The following NPC2 variants were observed in gnomAD, a reference collection of about 807,000 sequenced individuals.
The protein encoded by NPC2 is NPC intracellular cholesterol transporter 2, also known as Niemann-Pick disease type C2 protein.
A neutral mutation model predicts 17.0 loss-of-function variants in NPC2; 14 were observed. The ratio of observed to expected loss-of-function variants is 0.82; its 90% CI spans 0.54 to 1.29. NPC2 has a LOEUF of 1.29. NPC2 is among the 50% of genes most tolerant of loss of function. The pLI, the probability that NPC2 is intolerant of heterozygous loss-of-function variation, is 0.00. For missense variants in NPC2, 167 were observed against 183.4 expected (o/e 0.91, Z 0.52); for synonymous variants, 75 against 69.3 (o/e 1.08, Z -0.41).
chr14:74,480,280 A>G lies in NPC2; in HGVS notation c.450T>C (p.His150=), dbSNP rs374489111. Residue 150 remains histidine, a synonymous_variant, in exon 5 of 5, where the codon CAT becomes CAC. Transcript: ENST00000555619. ...ACCGAACTCAATGAGGCACTTAGAG[A>G]TGAGAAACCTGTGGATGTAATGTCC... The part of the protein sequence containing the change: ...CWEIPVQIVS[H]L The G allele has an allele frequency of 1.2e-4, 199 of 1,613,734 alleles. No homozygotes were observed. Among genetic ancestry groups the G allele is most frequent in the African/African-American group, 2.5e-4 (19 of 74,910 alleles).
At chr14:74,490,173 C>T (rs1391926593) in intron 1 of NPC2, among the ~76,000 whole-genome samples, 1 of 152,208 alleles carries the variant, frequency 6.6e-6, no homozygotes, top group African/African-American at 2.4e-5. Flanking sequence ...ATCTGCTATG[C>T]AGTCAGTCAC....
chr14:74,491,576 A>G (rs539880554), intron 1 of NPC2, among the ~76,000 whole-genome samples: 1 of 152,352 alleles, frequency 6.6e-6, no homozygotes, highest in South Asian at 2.1e-4. Flanking sequence ...TTGTCTCAAC[A>G]TGAATTTTTA....
chr14:74,486,857 C>T (rs1325507248), intron 1 of NPC2, among the ~76,000 whole-genome samples: 2 of 152,184 alleles, frequency 1.3e-5, no homozygotes, highest in African/African-American at 4.8e-5. Flanking sequence ...TTGCTTCAAC[C>T]TTCCTTTGGA....
At chr14:74,490,436 C>T (rs1388151748) in intron 1 of NPC2, among the ~76,000 whole-genome samples, 1 of 152,230 alleles carries the variant, frequency 6.6e-6, no homozygotes. Context: ...CTCTCTTCCA[C>T]TCCAACCCAT....
chr14:74,485,395 G>A (rs2086702116), intron 2 of NPC2, among the ~76,000 whole-genome samples: 1 of 151,116 alleles, frequency 6.6e-6, no homozygotes, highest in African/African-American at 2.4e-5. Flanking sequence ...AGATGGCCAG[G>A]AGGAATAAAG....
chr14:74,490,907 G>A (rs754536059), intron 1 of NPC2, among the ~76,000 whole-genome samples: 10 of 152,096 alleles, frequency 6.6e-5, no homozygotes, highest in African/African-American at 2.2e-4. Flanking sequence ...CAAATAAGTA[G>A]AATAATTTCT....
intron 1 of NPC2, among the ~76,000 whole-genome samples, chr14:74,488,956 T>G (rs2086741819): frequency 6.6e-6 from 1 of 152,246 alleles, no homozygotes; most frequent in South Asian, 2.1e-4. Context: ...GATTTAGTCC[T>G]GTTCTTTAAG....
At position 74,484,755 on chromosome 14, in the gene NPC2, C is replaced by CAAAAAAAA. The variant is rs71115996; in HGVS notation, c.191-176_191-169dup. Among the ~76,000 whole-genome samples, 75 of 85,158 alleles carry CAAAAAAAA rather than the reference C, an allele frequency of 8.8e-4. 1 individual carries two copies. The highest frequency in any genetic ancestry group is 1.1e-3 in the Non-Finnish European group (49 of 46,234). 55.9% of individuals were successfully genotyped at this position (85,158 alleles called of 152,430 possible). On this transcript the variant is annotated intron_variant, in intron 2 of 4. Coordinates refer to ENST00000555619, the MANE Select transcript of NPC2 (RefSeq NM_006432.5). ...AGCATTCACTCCAAACACAATTATG[C>CAAAAAAAA]AAAAAAAAAAAAAAAAAAAAAAACA...
In NPC2 at chr14:74,483,320, G is replaced by A. The variant is rs188025687; in HGVS notation, c.363+1095C>T. 2.2e-4 allele frequency: 277 copies of A among 1,270,388 alleles called. 2 individuals carry two copies. The Middle Eastern group carries it at 5.9e-3, about 27-fold the overall frequency. The allele number at this position is 1,270,388 out of a possible 1,614,324, so 78.7% of individuals were successfully genotyped here. On this transcript the variant is annotated intron_variant, in intron 3 of 4. Transcript: ENST00000555619. ...TGGCAATAAATGTGACCTGGAAGAT[G>A]AGTGAGTAGTTGGCAAAGAACAGGG... is the stretch of plus-strand genomic sequence containing the variant.
At chr14:74,485,732 T>G (rs1222611256) in intron 2 of NPC2, among the ~76,000 whole-genome samples, 1 of 152,296 alleles carries the variant, frequency 6.6e-6, no homozygotes, top group Non-Finnish European at 1.5e-5. Flanking sequence ...GATTTTACAT[T>G]TGTCTAGATT....
rs1483982469 is a variant in NPC2, at chr14:74,484,432, T to G, written c.346A>C (p.Lys116Gln). Residue 116 changes from lysine to glutamine, a missense_variant, in exon 3 of 5, where the codon AAA becomes CAA. Lys to Gln is a moderately conservative substitution (Grantham distance 53). Coordinates refer to ENST00000555619, the MANE Select transcript of NPC2 (RefSeq NM_006432.5). ...TYSYLNKLPVKSEYPSIKLVV... is the reference protein window; with the variant it reads ...TYSYLNKLPVQSEYPSIKLVV... ...TCACTTACAGAGGGATATTCGCTTT[T>G]CACTGGTAGTTTATTCAGGTAGCTA... 1 of 1,614,064 alleles carries G rather than the reference T, an allele frequency of 6.2e-7. No individual in the cohort carries two copies. Among genetic ancestry groups the G allele is most frequent in the African/African-American group, 1.3e-5 (1 of 74,906 alleles).
At chr14:74,487,011 GCA>G (rs61201972) in intron 1 of NPC2, among the ~76,000 whole-genome samples, 33,785 of 151,232 alleles carry the variant, frequency 0.22, 4,172 homozygotes, top group African/African-American at 0.32. Context: ...GAGTGCAGTG[GCA>G]CAGTCTCAGC....
intron 1 of NPC2, among the ~76,000 whole-genome samples, chr14:74,492,015 T>C (rs1181503985): frequency 6.6e-6 from 1 of 152,060 alleles, no homozygotes; most frequent in East Asian, 1.9e-4. Context: ...CTAAGGTCAG[T>C]GCTTGAGATA....
In NPC2 at chr14:74,488,571, A is replaced by T. The variant is rs149501661; in HGVS notation, c.83-2135T>A. Among the ~76,000 whole-genome samples the T allele has an allele frequency of 2.9e-3, 444 of 152,200 alleles. 1 individual carries two copies. The highest frequency in any genetic ancestry group is 1.0e-2 in the African/African-American group (415 of 41,528). ...TCTAATAAAAATACAAAAATTAGCC[A>T]GGTATGGTGGTGCTCACCTGTAATC... On this transcript the variant is annotated intron_variant, in intron 1 of 4. Coordinates refer to ENST00000555619, the MANE Select transcript of NPC2 (RefSeq NM_006432.5).
At chr14:74,487,193 C>T (rs1382316981) in intron 1 of NPC2, among the ~76,000 whole-genome samples, 2 of 151,894 alleles carry the variant, frequency 1.3e-5, no homozygotes, top group Non-Finnish European at 2.9e-5. Flanking sequence ...TCGTGGTCTG[C>T]CTGCCTAGGC....
At chr14:74,486,304 T>G in intron 2 of NPC2, 25 bp downstream of exon 2, 4 of 1,547,076 alleles carry the variant, frequency 2.6e-6, no homozygotes, top group Non-Finnish European at 2.6e-6. Flanking sequence ...AACATGAATT[T>G]GAGTTAAGAG....
At position 74,493,301 on chromosome 14, in the gene NPC2, G is replaced by T; in HGVS notation, c.-27C>A. On this transcript the variant is annotated 5_prime_UTR_variant, in exon 1 of 5. Transcript: ENST00000555619. This position sits in a 1 kb window ranked among gnomAD's most constrained non-coding sequence, Gnocchi z 4.1. ...GCGGATAACGAAGTTCCAAGCTCGG[G>T]AAAGAAGCAGCGGCCGCCCGCGGTC... is the stretch of plus-strand genomic sequence containing the variant. 14 of 1,607,710 alleles carry T rather than the reference G, an allele frequency of 8.7e-6. No homozygotes were observed. The highest frequency in any genetic ancestry group is 1.2e-5 in the Non-Finnish European group (14 of 1,177,762).
intron 1 of NPC2, among the ~76,000 whole-genome samples, chr14:74,489,648 C>T (rs1308543791): frequency 6.6e-6 from 1 of 152,160 alleles, no homozygotes; most frequent in Non-Finnish European, 1.5e-5. Flanking sequence ...TTAAATAAAG[C>T]CTTTAAAAAT....
At chr14:74,482,394 T>C (rs886993263) in intron 3 of NPC2, among the ~76,000 whole-genome samples, 3 of 152,208 alleles carry the variant, frequency 2.0e-5, no homozygotes, top group Non-Finnish European at 4.4e-5. Flanking sequence ...ATATCTTTAA[T>C]ACAGGTCCAC....
Sources: gnomAD v4.1 joint callset for allele counts (sites outside exome capture counted in the v4.1 genomes callset) on GRCh38, gnomAD v4.1.1 for gene constraint, Gnocchi (gnomAD v3.1) non-coding constraint, MANE v1.5 for transcripts, NCBI Gene and HGNC (gene_info 2026-07-23, HGNC 2026-07-21) for gene names.